Variants in SCART1 observed in about 807,000 individuals in gnomAD.
The protein encoded by SCART1 is scavenger receptor family member expressed on T cells 1, also known as scavenger receptor cysteine-rich domain-containing protein SCART1.
SCART1 carries 62 observed loss-of-function variants against 36.2 expected under a neutral mutation model. That is an observed-to-expected ratio of 1.71 (90% CI 1.40 to 2.12). The LOEUF is 2.12. SCART1 is among the 30% of genes most tolerant of loss of function. The pLI is 0.00. For missense variants in SCART1, 1,041 were observed against 540.5 expected (o/e 1.93, Z -9.18); for synonymous variants, 487 against 238.7 (o/e 2.04, Z -9.59).
At chr10:133,462,958 CT>C (rs1850719041) in intron 6 of SCART1, among the ~76,000 whole-genome samples, 1 of 152,154 alleles carries the variant, frequency 6.6e-6, no homozygotes, top group Non-Finnish European at 1.5e-5. Context: ...TTCCAGTATT[CT>C]TTCTAAGCTT....
exon 12 of SCART1, chr10:133,468,588 C>T (rs1301233214): frequency 6.6e-6 from 1 of 152,186 alleles, no homozygotes; most frequent in East Asian, 1.9e-4. Flanking sequence ...TTTAATTTCA[C>T]TATGAAATAT....
chr10:133,456,278 T>C (rs746159665), exon 2 of SCART1: 16 of 702,756 alleles, frequency 2.3e-5, no homozygotes, highest in African/African-American at 3.5e-5. Flanking sequence ...ACACAGCACG[T>C]GCGACGGAGT....
At chr10:133,464,449 T>G in intron 6 of SCART1, 157 bp from the exon 7 acceptor site, 1 of 582,136 alleles carries the variant, frequency 1.7e-6, no homozygotes, top group East Asian at 2.8e-5. Context: ...ATTGCTGGAT[T>G]GTGTAGTAGC....
exon 4 of SCART1, chr10:133,458,553 G>A (rs1564834000): frequency 8.8e-6 from 6 of 684,952 alleles, no homozygotes; most frequent in East Asian, 5.4e-5. Flanking sequence ...CGGTGTGGAC[G>A]GAGGCCTTCC....
intron 6 of SCART1, among the ~76,000 whole-genome samples, chr10:133,462,847 C>T (rs1233653339): frequency 6.6e-6 from 1 of 152,162 alleles, no homozygotes; most frequent in Non-Finnish European, 1.5e-5. Flanking sequence ...AGTCCCAAGC[C>T]AGCCGCGATT....
intron 1 of SCART1, among the ~76,000 whole-genome samples, chr10:133,455,689 A>T (rs1193192101): frequency 2.6e-5 from 4 of 151,542 alleles, no homozygotes; most frequent in Non-Finnish European, 5.9e-5. Context: ...CAGAGACCGG[A>T]GGGTGAGATC....
chr10:133,468,627 T>G (rs1461720281), exon 12 of SCART1: 1 of 152,228 alleles, frequency 6.6e-6, no homozygotes, highest in African/African-American at 2.4e-5. Flanking sequence ...TTGTAGATGC[T>G]ATTTATCAGA....
At chr10:133,454,682 G>T (rs1850586079) in intron 1 of SCART1, among the ~76,000 whole-genome samples, 1 of 152,172 alleles carries the variant, frequency 6.6e-6, no homozygotes, top group African/African-American at 2.4e-5. Flanking sequence ...GCGGGAGGCA[G>T]GGGAGGGTGC....
At chr10:133,458,435 G>A in exon 4 of SCART1, 1 of 700,620 alleles carries the variant, frequency 1.4e-6, no homozygotes, top group Non-Finnish European at 2.6e-6. Flanking sequence ...GGCACCGTCT[G>A]TGATGCGGCC....
intron 3 of SCART1, 180 bp downstream of exon 3, chr10:133,457,755 G>A: frequency 1.8e-6 from 1 of 562,096 alleles, no homozygotes; most frequent in Non-Finnish European, 3.1e-6. Flanking sequence ...GCAGAGTGGA[G>A]CTGAGTTTCT....
exon 6 of SCART1, chr10:133,459,839 C>A (rs1850673702): frequency 1.8e-6 from 1 of 568,240 alleles, no homozygotes; most frequent in Non-Finnish European, 3.1e-6. Context: ...TGGCCCGTCG[C>A]CACGGGATCC....
At chr10:133,456,772 G>A (rs1204922591) in intron 2 of SCART1, among the ~76,000 whole-genome samples, 1 of 152,156 alleles carries the variant, frequency 6.6e-6, no homozygotes, top group East Asian at 1.9e-4. Context: ...CCAACGCCAG[G>A]GAGAGTCAGA....
chr10:133,466,099 G>GC (rs772546540), intron 9 of SCART1, 136 bp from the exon 10 acceptor site: 19 of 626,596 alleles, frequency 3.0e-5, no homozygotes, highest in Admixed American at 7.7e-5. Flanking sequence ...ACCAGCAGAT[G>GC]CCCCCCCAGC....
intron 2 of SCART1, among the ~76,000 whole-genome samples, chr10:133,456,799 C>T (rs566950407): frequency 1.9e-4 from 29 of 152,246 alleles, no homozygotes; most frequent in African/African-American, 7.0e-4. Flanking sequence ...AGGAAGGAAG[C>T]AGAGTGCGGC....
chr10:133,468,035 T>A, exon 12 of SCART1: 1 of 624,596 alleles, frequency 1.6e-6, no homozygotes, highest in Non-Finnish European at 3.0e-6. Context: ...CTTGTACAAT[T>A]GTAGTGGATT....
intron 10 of SCART1, among the ~76,000 whole-genome samples, chr10:133,466,637 G>T (rs940413118): frequency 1.3e-5 from 2 of 152,226 alleles, no homozygotes; most frequent in African/African-American, 4.8e-5. Context: ...TAGCTGAGAC[G>T]GTGGATGCCC....
At chr10:133,454,028 G>C (rs984529721) in exon 1 of SCART1, 55 of 702,834 alleles carry the variant, frequency 7.8e-5, no homozygotes, top group South Asian at 1.5e-4. Flanking sequence ...CCTGGGACTC[G>C]GGCCCCTTCT....
chr10:133,466,233 A>G lies in SCART1; in HGVS notation c.2660-2A>G, dbSNP rs1447523626. On this transcript the variant is annotated splice_acceptor_variant, in intron 9 of 11. Transcript: ENST00000640237. LOFTEE classifies it high-confidence loss of function. ...GCTGGCTCAAGACCTCTCCTTTCTCAGAGCCTGGCCCAGGCCCCCCACTGC... is the reference window on the plus strand; with the variant it reads ...GCTGGCTCAAGACCTCTCCTTTCTCGGAGCCTGGCCCAGGCCCCCCACTGC... The G allele has an allele frequency of 1.4e-6, 1 of 701,664 alleles. No homozygotes were observed. The highest frequency in any genetic ancestry group is 1.7e-5 in the African/African-American group (1 of 57,222). The allele number at this position is 701,664 out of a possible 1,614,324, so 43.5% of individuals were successfully genotyped here. A position where few individuals can be genotyped will look rare whatever the true frequency, so the allele number is the denominator to read the frequency against.
exon 3 of SCART1, chr10:133,457,379 G>A: frequency 1.4e-6 from 1 of 701,966 alleles, no homozygotes; most frequent in Non-Finnish European, 2.6e-6. Flanking sequence ...TCTGTGTCCT[G>A]CATGTGGAGG....
Sources: allele counts gnomAD v4.1 joint callset (sites outside exome capture counted in the v4.1 genomes callset), GRCh38; gene constraint gnomAD v4.1.1; transcripts MANE v1.5; gene names NCBI Gene and HGNC (gene_info 2026-07-23, HGNC 2026-07-21).